The following EML4 variants were observed in gnomAD, a reference collection of about 807,000 sequenced individuals.
EML4 encodes the protein EMAP like 4.
A neutral mutation model predicts 129.0 loss-of-function variants in EML4; 72 were observed. That is an observed-to-expected ratio of 0.56 (90% CI 0.46 to 0.68). The LOEUF (loss-of-function observed/expected upper bound fraction) is 0.68, where lower values mean the gene tolerates loss of function less well. Ranked by LOEUF, EML4 falls within the 30% of genes least tolerant of loss-of-function variation. The probability of loss-of-function intolerance (pLI) is 0.00; values close to 1 mark genes in which losing one functional copy is unlikely to be tolerated. For missense variants in EML4, 1,363 were observed against 1,190.6 expected, an observed-to-expected ratio of 1.14 and a Z score of -2.13; for synonymous variants, 532 against 405.0, an observed-to-expected ratio of 1.31 and a Z score of -3.77.
At chr2:42,325,331 T>C in intron 19 of EML4, 136 bp from the exon 20 acceptor site, 3 of 621,100 alleles carry the variant, frequency 4.8e-6, no homozygotes, top group Non-Finnish European at 6.3e-6. Flanking sequence ...TGCTCAGTTT[T>C]AGAGGGTGTG....
At chr2:42,219,781 C>T (rs762577668) in intron 1 of EML4, among the ~76,000 whole-genome samples, 22 of 151,048 alleles carry the variant, frequency 1.5e-4, no homozygotes, top group Admixed American at 9.9e-4. Flanking sequence ...AATTATTAGC[C>T]GGGCGTAAGG....
chr2:42,297,098 T>C (rs764399586), intron 13 of EML4, among the ~76,000 whole-genome samples: 5 of 152,222 alleles, frequency 3.3e-5, no homozygotes, highest in Non-Finnish European at 7.4e-5. Flanking sequence ...CTTAGCCTCT[T>C]TCGTTCAGTT....
intron 22 of EML4, among the ~76,000 whole-genome samples, chr2:42,329,379 C>T (rs537360010): frequency 6.6e-6 from 1 of 152,290 alleles, no homozygotes; most frequent in Non-Finnish European, 1.5e-5. Context: ...CCCGAATGTC[C>T]TGTAATCCTA....
intron 1 of EML4, among the ~76,000 whole-genome samples, chr2:42,224,314 T>C (rs899826504): frequency 4.6e-5 from 7 of 152,162 alleles, no homozygotes; most frequent in African/African-American, 1.7e-4. Flanking sequence ...ATGTAGTCTT[T>C]TGTCACTGGC....
At chr2:42,301,918 C>T (rs1049250374) in intron 14 of EML4, among the ~76,000 whole-genome samples, 1 of 152,084 alleles carries the variant, frequency 6.6e-6, no homozygotes, top group South Asian at 2.1e-4. Context: ...AAAAGCTATA[C>T]AATCTAGTTC....
chr2:42,329,071 T>C (rs1040308120), intron 22 of EML4, 55 bp downstream of exon 22: 14 of 1,543,632 alleles, frequency 9.1e-6, no homozygotes, highest in African/African-American at 1.4e-5. Flanking sequence ...CAGGGATGAT[T>C]TTGCATCCAT....
At chr2:42,296,147 T>G (rs1002563329) in intron 13 of EML4, among the ~76,000 whole-genome samples, 3 of 152,150 alleles carry the variant, frequency 2.0e-5, no homozygotes, top group South Asian at 4.1e-4. Context: ...CGTTACTATT[T>G]AAGAATAATC....
intron 1 of EML4, among the ~76,000 whole-genome samples, chr2:42,245,094 C>CTTTTTTTTTTTTTTTTTGTTTT (rs1675304471): frequency 1.5e-5 from 1 of 66,562 alleles, no homozygotes; most frequent in African/African-American, 6.5e-5. Context: ...AATTTTCTTT[C>CTTTTTTTTTTTTTTTTTGTTTT]TTTTTTTTTT....
At chr2:42,308,649 C>T (rs2103753040) in intron 17 of EML4, among the ~76,000 whole-genome samples, 1 of 152,242 alleles carries the variant, frequency 6.6e-6, no homozygotes, top group African/African-American at 2.4e-5. Flanking sequence ...TCAGTAAGTT[C>T]ACAGGGTTAT....
At chr2:42,313,275 C>T (rs1172739504) in intron 17 of EML4, among the ~76,000 whole-genome samples, 1 of 152,148 alleles carries the variant, frequency 6.6e-6, no homozygotes, top group Non-Finnish European at 1.5e-5. Context: ...TATATCTTAA[C>T]ATGTATTTGA....
At chr2:42,314,091 G>A (rs1000142462) in intron 17 of EML4, among the ~76,000 whole-genome samples, 1 of 152,180 alleles carries the variant, frequency 6.6e-6, no homozygotes, top group Non-Finnish European at 1.5e-5. Flanking sequence ...GGGCATGGTG[G>A]CTCATGCCTA....
chr2:42,247,884 G>C (rs764718597), intron 2 of EML4, among the ~76,000 whole-genome samples: 1 of 152,070 alleles, frequency 6.6e-6, no homozygotes, highest in Non-Finnish European at 1.5e-5. Flanking sequence ...ATAATATACA[G>C]ACTCAGAACC....
At chr2:42,190,890 C>T (rs942138959) in intron 1 of EML4, among the ~76,000 whole-genome samples, 3 of 152,192 alleles carry the variant, frequency 2.0e-5, no homozygotes, top group Non-Finnish European at 4.4e-5. Context: ...TTCTTTTACT[C>T]ATTTTTTTCC....
chr2:42,197,613 G>T (rs985372474), intron 1 of EML4, among the ~76,000 whole-genome samples: 2 of 151,820 alleles, frequency 1.3e-5, no homozygotes, highest in East Asian at 1.9e-4. Flanking sequence ...TTGTGAATCT[G>T]TTCTACAAAT....
chr2:42,308,748 C>A (rs1461684442), intron 17 of EML4, among the ~76,000 whole-genome samples: 4 of 151,988 alleles, frequency 2.6e-5, no homozygotes, highest in African/African-American at 7.3e-5. Context: ...ATGACCCCAC[C>A]CACCTCCCCC....
chr2:42,315,331 C>T (rs1042324832), intron 17 of EML4, among the ~76,000 whole-genome samples: 3 of 152,154 alleles, frequency 2.0e-5, no homozygotes, highest in African/African-American at 4.8e-5. Context: ...TGACTCATTT[C>T]CTTTCTCCCA....
In EML4 at chr2:42,210,942, G is replaced by T. The variant is rs946347611; in HGVS notation, c.26-34563G>T. Among the ~76,000 whole-genome samples, 13 of 152,210 alleles carry T rather than the reference G, an allele frequency of 8.5e-5. No homozygotes were observed. The East Asian group carries it at 1.9e-3, about 23-fold the overall frequency. ...ATACTTGTGTTTACCTTAAAAATTG[G>T]TTATGTTTAAATATTAGCAAAATGT... On this transcript the variant is annotated intron_variant, in intron 1 of 22. Transcript: ENST00000318522.
chr2:42,204,844 G>T (rs190365695), intron 1 of EML4, among the ~76,000 whole-genome samples: 1 of 152,292 alleles, frequency 6.6e-6, no homozygotes, highest in African/African-American at 2.4e-5. Flanking sequence ...AGTTAACCTA[G>T]TTAGGTAGGT....
intron 22 of EML4, among the ~76,000 whole-genome samples, chr2:42,329,328 T>A (rs1669974572): frequency 6.6e-6 from 1 of 152,260 alleles, no homozygotes; most frequent in African/African-American, 2.4e-5. Flanking sequence ...ATTTTATTTG[T>A]TGGATACATA....
Sources: allele counts gnomAD v4.1 joint callset (sites outside exome capture counted in the v4.1 genomes callset), GRCh38; gene constraint gnomAD v4.1.1; transcripts MANE v1.5; gene names NCBI Gene and HGNC (gene_info 2026-07-23, HGNC 2026-07-21).